Variants in STK32C observed in about 807,000 individuals in gnomAD.
STK32C encodes serine/threonine kinase 32C.
Under a neutral mutation model 56.5 loss-of-function variants are expected in STK32C, and 31 were observed. The ratio of observed to expected loss-of-function variants is 0.55; its 90% CI spans 0.41 to 0.74. The LOEUF is 0.74. Among genes scored for constraint, STK32C ranks in the 30% least tolerant of loss-of-function variants. The pLI is 0.00. For synonymous variants in STK32C, 309 were observed against 289.4 expected, an observed-to-expected ratio of 1.07 and a Z score of -0.69; for missense variants, 544 against 676.9, an observed-to-expected ratio of 0.80 and a Z score of 2.18.
rs530297581 is a variant in STK32C, at chr10:132,291,490, C to T, written c.262+16082G>A. Among the ~76,000 whole-genome samples the T allele has an allele frequency of 1.9e-4, 29 of 152,302 alleles. No homozygotes were observed. The South Asian group carries it at 5.8e-3, about 30-fold the overall frequency. On this transcript the variant is annotated intron_variant, in intron 1 of 11. Coordinates refer to ENST00000298630, the MANE Select transcript of STK32C (RefSeq NM_173575.4). ...CTGTGCCAAAGAAAGCCTAGAGGCA[C>T]GGTCACCTGCAGAGCCCAGGCCACC... is the stretch of plus-strand genomic sequence containing the variant.
chr10:132,224,850 A>T (rs2062825906), intron 7 of STK32C, among the ~76,000 whole-genome samples: 1 of 152,054 alleles, frequency 6.6e-6, no homozygotes, highest in African/African-American at 2.4e-5. Flanking sequence ...TACGGTCCAC[A>T]AGAGGACCCC....
chr10:132,301,070 C>T (rs1300372431), intron 1 of STK32C, among the ~76,000 whole-genome samples: 13 of 152,062 alleles, frequency 8.5e-5, no homozygotes, highest in Non-Finnish European at 1.5e-5. Context: ...AGCTTCCCAA[C>T]ACCAAGTAGA....
intron 1 of STK32C, among the ~76,000 whole-genome samples, chr10:132,274,237 G>A (rs528154602): frequency 1.3e-4 from 20 of 152,306 alleles, no homozygotes; most frequent in Admixed American, 2.6e-4. Context: ...CTGTCCTAGG[G>A]CCTGGGGAGC....
intron 1 of STK32C, among the ~76,000 whole-genome samples, chr10:132,294,955 C>G (rs1378827052): frequency 6.6e-6 from 1 of 152,150 alleles, no homozygotes; most frequent in Non-Finnish European, 1.5e-5. Flanking sequence ...CAAGGGAACA[C>G]TGAGGCCCGG....
In STK32C at chr10:132,282,511, G is replaced by A. The variant is rs117387620; in HGVS notation, c.262+25061C>T. 1.0e-4 allele frequency among the ~76,000 whole-genome samples: 13 copies of A among 124,754 alleles called. No individual in the cohort carries two copies. The East Asian group carries it at 1.5e-3, about 14-fold the overall frequency. The allele number at this position is 124,754 out of a possible 152,430, so 81.8% of individuals were successfully genotyped here. ...TGTGCCTGCGCCCACCTGTGCCTGC[G>A]CCCACCTGTGCCTGTGCCCACCTGT... On this transcript the variant is annotated intron_variant, in intron 1 of 11. Transcript: ENST00000298630.
intron 1 of STK32C, among the ~76,000 whole-genome samples, chr10:132,300,490 G>C (rs1234626477): frequency 2.6e-5 from 4 of 152,260 alleles, no homozygotes; most frequent in African/African-American, 9.6e-5. Context: ...CAGCCATGCT[G>C]ATCTCTGCAG....
At chr10:132,263,852 C>T (rs11146280) in intron 1 of STK32C, among the ~76,000 whole-genome samples, 50,828 of 135,716 alleles carry the variant, frequency 0.37, 9,267 homozygotes, top group Admixed American at 0.52. Context: ...GATGACAGAA[C>T]GAGACTCCAT....
At position 132,223,025 on chromosome 10, in the gene STK32C, G is replaced by T. The variant is rs1481965462; in HGVS notation, c.994-39C>A. On this transcript the variant is annotated intron_variant, in intron 8 of 11. Transcript: ENST00000298630. ...TGAGTCAGAGGGTCCAGGGCCCACA[G>T]CCCACCAGCACGGAATAGCCCGCCA... 6 of 1,536,482 alleles carry T rather than the reference G, an allele frequency of 3.9e-6. No homozygotes were observed. In the South Asian group the frequency reaches 7.1e-5, roughly 18 times the overall value.
At chr10:132,315,506 A>C (rs1461041334) in intron 1 of STK32C, among the ~76,000 whole-genome samples, 1 of 152,218 alleles carries the variant, frequency 6.6e-6, no homozygotes, top group Admixed American at 6.5e-5. Flanking sequence ...ATAGCACAAA[A>C]AAAGAATACC....
rs1590116324 is a variant in STK32C at position 132,208,218 on chromosome 10, T to C, written c.1320-67A>G. ...TCCCTGGCCTCACGGTCCCATGACC[T>C]GCCCACGGGCTCATGGGGTAGGCCA... On this transcript the variant is annotated intron_variant, in intron 11 of 11. Coordinates refer to ENST00000298630, the MANE Select transcript of STK32C (RefSeq NM_173575.4). 64 of 1,278,624 alleles carry C rather than the reference T, an allele frequency of 5.0e-5. No homozygotes were observed. In the East Asian group the frequency reaches 8.4e-4, roughly 17 times the overall value. 79.2% of individuals were successfully genotyped at this position (1,278,624 alleles called of 1,614,324 possible).
intron 1 of STK32C, among the ~76,000 whole-genome samples, chr10:132,280,879 C>T (rs1376392018): frequency 6.7e-6 from 1 of 150,074 alleles, no homozygotes; most frequent in Non-Finnish European, 1.5e-5. Flanking sequence ...TGACCACGCC[C>T]CTGCACTCCG....
intron 1 of STK32C, among the ~76,000 whole-genome samples, chr10:132,294,341 C>T (rs2065670401): frequency 1.3e-5 from 2 of 152,128 alleles, no homozygotes; most frequent in Admixed American, 1.3e-4. Flanking sequence ...CAGAGCACAG[C>T]CACAGGGAGG....
rs531870689 is a variant in STK32C at position 132,271,168 on chromosome 10, C to T, written c.263-25213G>A. Among the ~76,000 whole-genome samples the T allele has an allele frequency of 2.3e-3, 344 of 152,212 alleles. 1 individual carries two copies. Among genetic ancestry groups the T allele is most frequent in the Middle Eastern group, 6.8e-3 (2 of 294 alleles). On this transcript the variant is annotated intron_variant, in intron 1 of 11. Coordinates refer to ENST00000298630, the MANE Select transcript of STK32C (RefSeq NM_173575.4). Reference sequence around the variant, plus strand: ...TAACCGGGGCCTTCCATTCAGCAGCCGGCACCCCTGACCCATGGCTGGGGA... The same window carrying T: ...TAACCGGGGCCTTCCATTCAGCAGCTGGCACCCCTGACCCATGGCTGGGGA...
chr10:132,234,107 G>A (rs1030894556), intron 2 of STK32C, among the ~76,000 whole-genome samples: 1 of 152,158 alleles, frequency 6.6e-6, no homozygotes, highest in East Asian at 1.9e-4. Flanking sequence ...GTGGCCTCGT[G>A]GACTCTCCCA....
At chr10:132,225,699 C>T (rs371783935) in intron 5 of STK32C, 48 bp downstream of exon 5, 4 of 1,613,004 alleles carry the variant, frequency 2.5e-6, no homozygotes, top group East Asian at 2.2e-5. Flanking sequence ...CTGACAGGCC[C>T]ATCCCTGCCA....
chr10:132,220,644 C>T (rs2062608770), intron 10 of STK32C, among the ~76,000 whole-genome samples: 1 of 152,230 alleles, frequency 6.6e-6, no homozygotes, highest in Non-Finnish European at 1.5e-5. Flanking sequence ...TCTCTACCAC[C>T]ATCACAATAG....
downstream of STK32C, chr10:132,323,964 G>A (rs749974978): frequency 5.9e-5 from 24 of 404,444 alleles, no homozygotes; most frequent in Non-Finnish European, 9.0e-5. The surrounding 1 kb of genome is among the most constrained non-coding windows in gnomAD (Gnocchi z 4.8). Flanking sequence ...AATGCTGTCC[G>A]GAGAGAGCGG....
At chr10:132,294,824 T>C (rs569814132) in intron 1 of STK32C, among the ~76,000 whole-genome samples, 2 of 152,188 alleles carry the variant, frequency 1.3e-5, no homozygotes, top group Non-Finnish European at 2.9e-5. Flanking sequence ...TTCCGTCCCC[T>C]TCCCCGGAAG....
At chr10:132,233,277 C>T (rs763195952) in intron 2 of STK32C, among the ~76,000 whole-genome samples, 8 of 152,142 alleles carry the variant, frequency 5.3e-5, no homozygotes, top group South Asian at 2.1e-4. Flanking sequence ...CAGGCAGAAC[C>T]GGGCTCCCGT....
Sources: allele counts gnomAD v4.1 joint callset (sites outside exome capture counted in the v4.1 genomes callset), GRCh38; gene constraint gnomAD v4.1.1; non-coding constraint Gnocchi (gnomAD v3.1); transcripts MANE v1.5; gene names NCBI Gene and HGNC (gene_info 2026-07-23, HGNC 2026-07-21).